CCNY: variants seen among roughly 807,000 people sequenced by gnomAD.
CCNY encodes cyclin-Y.
CCNY carries 19 observed loss-of-function variants against 42.8 expected under a neutral mutation model. That is an observed-to-expected ratio of 0.44 (90% CI 0.31 to 0.65). CCNY has a LOEUF of 0.65. Among genes scored for constraint, CCNY ranks in the 30% least tolerant of loss-of-function variants. CCNY has a pLI of 0.07. For synonymous variants in CCNY, 165 were observed against 162.7 expected (o/e 1.01, Z -0.11); for missense variants, 370 against 437.3 (o/e 0.85, Z 1.37).
At position 35,263,090 on chromosome 10, in the gene CCNY, C is replaced by T. The variant is rs377195940; in HGVS notation, c.-9+12464C>T. Among the ~76,000 whole-genome samples the T allele has an allele frequency of 1.2e-3, 184 of 152,092 alleles. 1 individual carries two copies. The highest frequency in any genetic ancestry group is 0.011 in the South Asian group (51 of 4,812). On this transcript the variant is annotated intron_variant, in intron 3 of 11. Coordinates refer to the CCNY transcript ENST00000374706. ...TTTAAAAATTAGCCGGGCACGGTGG[C>T]TCACGCCTGTAATACCAGCACTTTG...
intron 9 of CCNY, 35 bp downstream of exon 9, chr10:35,566,220 T>C (rs777373619): frequency 5.0e-6 from 8 of 1,594,418 alleles, no homozygotes; most frequent in Non-Finnish European, 6.8e-6. Flanking sequence ...TGTGGTGCAG[T>C]GTTGCCAATA....
intron 1 of CCNY, among the ~76,000 whole-genome samples, chr10:35,423,886 A>G (rs1031039968): frequency 1.3e-5 from 2 of 152,226 alleles, no homozygotes; most frequent in Non-Finnish European, 2.9e-5. Context: ...ATAAGAAGAT[A>G]GGGGTTAGAG....
intron 3 of CCNY, among the ~76,000 whole-genome samples, chr10:35,288,852 G>A (rs927216548): frequency 1.3e-5 from 2 of 152,146 alleles, no homozygotes; most frequent in African/African-American, 4.8e-5. Context: ...GACTATTGTA[G>A]CTTTATAGTA....
chr10:35,449,912 G>A lies in CCNY; in HGVS notation c.155-33492G>A, dbSNP rs1007998720. 1.2e-5 allele frequency: 6 copies of A among 496,540 alleles called. No homozygotes were observed. The African/African-American group carries it at 1.2e-4, about 10-fold the overall frequency. 30.8% of individuals were successfully genotyped at this position (496,540 alleles called of 1,614,324 possible). A position where few individuals can be genotyped will look rare whatever the true frequency, so the allele number is the denominator to read the frequency against. ...ACCACTCAGGGCCTACCTGAGTAGG[G>A]TGTCAAGAGTTTACGGTGGGACCAG... On this transcript the variant is annotated intron_variant, in intron 1 of 9. Coordinates refer to ENST00000374704, the MANE Select transcript of CCNY (RefSeq NM_145012.6).
chr10:35,376,851 C>T (rs936297500), intron 1 of CCNY, among the ~76,000 whole-genome samples: 5 of 152,096 alleles, frequency 3.3e-5, no homozygotes, highest in African/African-American at 1.2e-4. Context: ...ACAGGGAAAT[C>T]TAATAGAGAC....
At chr10:35,469,381 A>G (rs780014181) in intron 1 of CCNY, among the ~76,000 whole-genome samples, 5 of 152,148 alleles carry the variant, frequency 3.3e-5, no homozygotes, top group Non-Finnish European at 7.3e-5. Context: ...TATCTCCTTG[A>G]TTAATCTTAA....
At chr10:35,528,105 C>A (rs1447432807) in intron 5 of CCNY, among the ~76,000 whole-genome samples, 1 of 152,092 alleles carries the variant, frequency 6.6e-6, no homozygotes, top group Non-Finnish European at 1.5e-5. Context: ...TTGAATGGGG[C>A]TCAACTGCTG....
At chr10:35,555,576 C>T (rs916385815) in intron 8 of CCNY, among the ~76,000 whole-genome samples, 12 of 152,190 alleles carry the variant, frequency 7.9e-5, no homozygotes, top group Non-Finnish European at 1.5e-4. Context: ...TGAGGTGGTA[C>T]TATTATTCCC....
chr10:35,292,452 C>T lies in CCNY; in HGVS notation c.-9+41826C>T, dbSNP rs1430788546. Among the ~76,000 whole-genome samples, 3 of 152,098 alleles carry T rather than the reference C, an allele frequency of 2.0e-5. No individual in the cohort carries two copies. The East Asian group carries it at 5.8e-4, about 29-fold the overall frequency. ...GATCTCGGCTCACTGCAACCTGCAC[C>T]TCCTGGGTTCAAGCAATTCTGCCTC... On this transcript the variant is annotated intron_variant, in intron 3 of 11. Transcript: ENST00000374706.
intron 1 of CCNY, among the ~76,000 whole-genome samples, chr10:35,358,803 C>T (rs1044214551): frequency 2.6e-5 from 4 of 152,224 alleles, no homozygotes; most frequent in South Asian, 2.1e-4. Flanking sequence ...CACAGGATTC[C>T]GGCTCCTGAG....
At chr10:35,331,058 T>G (rs1469064283) in intron 3 of CCNY, among the ~76,000 whole-genome samples, 1 of 152,194 alleles carries the variant, frequency 6.6e-6, no homozygotes, top group African/African-American at 2.4e-5. Context: ...TGCGCCTGGC[T>G]AGAGGTAGCC....
At position 35,495,961 on chromosome 10, in the gene CCNY, A is replaced by G. The variant is rs373167765; in HGVS notation, c.230-5540A>G. ...TGTAGGAACTGTGTGGTCATCTCAA[A>G]TTTACTATAAGAAAAGTTAATAGTA... On this transcript the variant is annotated intron_variant, in intron 2 of 9. Transcript: ENST00000374704. Among the ~76,000 whole-genome samples, 51 of 152,314 alleles carry G rather than the reference A, an allele frequency of 3.3e-4. 1 individual carries two copies. The highest frequency in any genetic ancestry group is 1.2e-3 in the African/African-American group (51 of 41,570).
At chr10:35,544,571 G>A (rs1010949815) in intron 7 of CCNY, among the ~76,000 whole-genome samples, 3 of 152,190 alleles carry the variant, frequency 2.0e-5, no homozygotes, top group African/African-American at 7.2e-5. Context: ...ATACTTCCAA[G>A]ATGTTGTCCA....
chr10:35,517,915 C>T (rs779686394), intron 4 of CCNY, among the ~76,000 whole-genome samples: 4 of 152,150 alleles, frequency 2.6e-5, no homozygotes, highest in Non-Finnish European at 4.4e-5. Context: ...TTAGGACTCG[C>T]GGAGAGAAGT....
At position 35,509,146 on chromosome 10, in the gene CCNY, C is replaced by T. The variant is rs1008881901; in HGVS notation, c.265-7377C>T. 3.3e-5 allele frequency among the ~76,000 whole-genome samples: 5 copies of T among 152,282 alleles called. No individual in the cohort carries two copies. The East Asian group carries it at 5.8e-4, about 18-fold the overall frequency. On this transcript the variant is annotated intron_variant, in intron 3 of 9. Coordinates refer to ENST00000374704, the MANE Select transcript of CCNY (RefSeq NM_145012.6). ...TTTTCCCAATTTTTGTTCTGAGATC[C>T]AAAGTTGGCTTATTTTCTCGCTTTC...
intron 1 of CCNY, among the ~76,000 whole-genome samples, chr10:35,393,734 G>A (rs1837464648): frequency 6.6e-6 from 1 of 152,144 alleles, no homozygotes; most frequent in Non-Finnish European, 1.5e-5. Context: ...GCATGGCGAA[G>A]GCATCATTGG....
intron 7 of CCNY, among the ~76,000 whole-genome samples, chr10:35,539,483 T>A (rs900074275): frequency 1.3e-5 from 2 of 152,228 alleles, no homozygotes. Flanking sequence ...ATCTGACACT[T>A]CTTTTGTTAA....
chr10:35,287,176 T>C (rs1835363852), intron 3 of CCNY, among the ~76,000 whole-genome samples: 1 of 152,224 alleles, frequency 6.6e-6, no homozygotes, highest in African/African-American at 2.4e-5. Flanking sequence ...ATTATAAAAA[T>C]GTGTTCTACT....
chr10:35,462,661 A>G (rs1055012546), intron 1 of CCNY, among the ~76,000 whole-genome samples: 3 of 152,210 alleles, frequency 2.0e-5, no homozygotes, highest in Non-Finnish European at 2.9e-5. Context: ...ACAGCTTCTC[A>G]GAGTGTGCGG....
Sources: allele counts gnomAD v4.1 joint callset (sites outside exome capture counted in the v4.1 genomes callset), GRCh38; gene constraint gnomAD v4.1.1; transcripts MANE v1.5; gene names NCBI Gene and HGNC (gene_info 2026-07-23, HGNC 2026-07-21).